Variants in AP1M1 observed in about 807,000 individuals in gnomAD.
The protein encoded by AP1M1 is AP-1 complex subunit mu-1.
AP1M1 carries 18 observed loss-of-function variants against 57.1 expected under a neutral mutation model. The ratio of observed to expected loss-of-function variants is 0.32; its 90% confidence interval spans 0.22 to 0.47. The LOEUF (loss-of-function observed/expected upper bound fraction) is 0.47. Ranked by LOEUF, AP1M1 falls within the 20% of genes least tolerant of loss-of-function variation. The probability of loss-of-function intolerance (pLI) is 1.00; values close to 1 mark genes in which losing one functional copy is unlikely to be tolerated. For missense variants in AP1M1, 362 were observed against 593.5 expected, an observed-to-expected ratio of 0.61 and a Z score of 4.05; for synonymous variants, 241 against 237.9, an observed-to-expected ratio of 1.01 and a Z score of -0.12.
In AP1M1 at chr19:16,197,941, C is replaced by T. The variant is rs1348962177; in HGVS notation, c.-86C>T. 2 of 1,057,026 alleles carry T rather than the reference C, an allele frequency of 1.9e-6. No homozygotes were observed. Among genetic ancestry groups the T allele is most frequent in the African/African-American group, 2.4e-5 (1 of 41,288 alleles). The allele number at this position is 1,057,026 out of a possible 1,614,324, so 65.5% of individuals were successfully genotyped here. ...TGGAGGTGAGCTGTCGCGGGCGGCG[C>T]CCGGCCTTGCTCAACGCCCAGCAGT... On this transcript the variant is annotated 5_prime_UTR_variant, in exon 1 of 12. Coordinates refer to ENST00000291439, the MANE Select transcript of AP1M1 (RefSeq NM_032493.4).
At chr19:16,199,124 T>TA (rs1352542898) in intron 1 of AP1M1, among the ~76,000 whole-genome samples, 8 of 152,152 alleles carry the variant, frequency 5.3e-5, no homozygotes, top group African/African-American at 1.9e-4. Flanking sequence ...TCTGTGTTCT[T>TA]ACGGTGTTCA....
At chr19:16,216,902 C>A (rs2091521237) in intron 5 of AP1M1, among the ~76,000 whole-genome samples, 1 of 152,226 alleles carries the variant, frequency 6.6e-6, no homozygotes, top group Admixed American at 6.5e-5. Flanking sequence ...AGGATCTGTT[C>A]TTGTTTGCAT....
At chr19:16,231,329 ATACAGATT>A in intron 9 of AP1M1, among the ~76,000 whole-genome samples, 1 of 150,850 alleles carries the variant, frequency 6.6e-6, no homozygotes, top group African/African-American at 2.4e-5. Context: ...GAGATTAGAA[ATACAGATT>A]AGATAGATAG....
At chr19:16,233,755 C>CTGTCTGTGGGG in intron 10 of AP1M1, 137 bp downstream of exon 10, 1 of 1,233,654 alleles carries the variant, frequency 8.1e-7, no homozygotes, top group Non-Finnish European at 1.1e-6. Flanking sequence ...TCTGCCTCCC[C>CTGTCTGTGGGG]ACAGACAGGG....
At chr19:16,208,940 C>T (rs1258739355) in intron 4 of AP1M1, 90 bp from the exon 5 acceptor site, 1 of 1,500,000 alleles carries the variant, frequency 6.7e-7, no homozygotes, top group Non-Finnish European at 9.0e-7. Flanking sequence ...GCCCTGTACC[C>T]CCCACCCAAC....
At chr19:16,223,899 C>G (rs1255919119) in intron 5 of AP1M1, among the ~76,000 whole-genome samples, 1 of 152,258 alleles carries the variant, frequency 6.6e-6, no homozygotes, top group Non-Finnish European at 1.5e-5. Context: ...TGTGTTCACG[C>G]TGGCCTCATC....
Position 16,244,493 on chromosome 19 carries a change from T to C in AP1M1, c.*10058T>C, listed in dbSNP as rs1435229911. 1.3e-5 allele frequency: 2 copies of C among 152,110 alleles called. No homozygotes were observed. Among genetic ancestry groups the C allele is most frequent in the African/African-American group, 4.8e-5 (2 of 41,420 alleles). 9.4% of individuals were successfully genotyped at this position (152,110 alleles called of 1,614,324 possible). A position where few individuals can be genotyped will look rare whatever the true frequency, so the allele number is the denominator to read the frequency against. ...GGAGTTTTTTTAAGTGATAGAATTA[T>C]ACAACAGGAAAAAAAGTCTGCAGGG... On this transcript the variant is annotated 3_prime_UTR_variant, in exon 12 of 12. Coordinates refer to ENST00000291439, the MANE Select transcript of AP1M1 (RefSeq NM_032493.4).
chr19:16,226,307 C>T lies in AP1M1; in HGVS notation c.547-114C>T. On this transcript the variant is annotated intron_variant, in intron 5 of 11. Transcript: ENST00000291439. ...AGGGGATGCCCAGGAGAGGGATGGG[C>T]TTGGAGGTGAGAAGGGCGTTGAGAG... 2.9e-6 allele frequency: 4 copies of T among 1,394,508 alleles called. No individual in the cohort carries two copies. The South Asian group carries it at 4.3e-5, about 15-fold the overall frequency. The allele number at this position is 1,394,508 out of a possible 1,614,324, so 86.4% of individuals were successfully genotyped here. A position where few individuals can be genotyped will look rare whatever the true frequency, so the allele number is the denominator to read the frequency against.
At chr19:16,218,126 T>C (rs889719653) in intron 5 of AP1M1, among the ~76,000 whole-genome samples, 9 of 152,372 alleles carry the variant, frequency 5.9e-5, no homozygotes, top group South Asian at 2.1e-4. Context: ...TAAATGTGAC[T>C]GCAGAGCTGC....
At position 16,227,523 on chromosome 19, in the gene AP1M1, G is replaced by T; in HGVS notation, c.674-25G>T. On this transcript the variant is annotated intron_variant, in intron 6 of 11. Transcript: ENST00000291439. This position sits in a 1 kb window ranked among gnomAD's most constrained non-coding sequence, Gnocchi z 6.2. Reference sequence around the variant, plus strand: ...ATAGTGACCCGGAGGGCCCAGATCTGTCCTACCCTCACCCCTGACCCCAGG... The same window carrying T: ...ATAGTGACCCGGAGGGCCCAGATCTTTCCTACCCTCACCCCTGACCCCAGG... The T allele has an allele frequency of 2.5e-6, 4 of 1,611,964 alleles. No homozygotes were observed. Among genetic ancestry groups the T allele is most frequent in the Non-Finnish European group, 1.7e-6 (2 of 1,178,360 alleles).
chr19:16,198,182 C>G, intron 1 of AP1M1, 114 bp downstream of exon 1: 1 of 1,233,322 alleles, frequency 8.1e-7, no homozygotes, highest in Non-Finnish European at 1.1e-6. Context: ...TGGTGTGAGG[C>G]AGAGAGGCCG....
At chr19:16,220,937 G>A (rs1009845108) in intron 5 of AP1M1, among the ~76,000 whole-genome samples, 4 of 152,198 alleles carry the variant, frequency 2.6e-5, no homozygotes, top group African/African-American at 9.7e-5. Context: ...TATAGGTGAT[G>A]TATTATTGTC....
At chr19:16,205,707 C>T (rs1286080904) in intron 2 of AP1M1, among the ~76,000 whole-genome samples, 1 of 152,224 alleles carries the variant, frequency 6.6e-6, no homozygotes, top group Admixed American at 6.5e-5. Flanking sequence ...GCCCAGCACA[C>T]ACTGACCCTG....
In AP1M1 at chr19:16,233,516, G is replaced by A. The variant is rs1272624888; in HGVS notation, c.1071G>A (p.Arg357=). 1 of 1,604,310 alleles carries A rather than the reference G, an allele frequency of 6.2e-7. No homozygotes were observed. The highest frequency in any genetic ancestry group is 8.5e-7 in the Non-Finnish European group (1 of 1,175,900). ...SFPGGKEYLM[R]AHFGLPSVEA... ...AGGGCGGCAAGGAGTACCTGATGCG[G>A]GCCCACTTCGGCCTGCCTAGTGTGG... is the stretch of plus-strand genomic sequence containing the variant. The change falls in exon 10 of 12, where the codon CGG becomes CGA. Residue 357 remains arginine (R), a synonymous_variant. Coordinates refer to ENST00000291439, the MANE Select transcript of AP1M1 (RefSeq NM_032493.4).
At position 16,203,242 on chromosome 19, in the gene AP1M1, G is replaced by A; in HGVS notation, c.43-217G>A. The A allele has an allele frequency of 1.7e-6, 1 of 587,150 alleles. No individual in the cohort carries two copies. Among genetic ancestry groups the A allele is most frequent in the Non-Finnish European group, 3.0e-6 (1 of 329,320 alleles). 36.4% of individuals were successfully genotyped at this position (587,150 alleles called of 1,614,324 possible). On this transcript the variant is annotated intron_variant, in intron 1 of 11. Transcript: ENST00000291439. The surrounding 1 kb of genome is among the most constrained non-coding windows in gnomAD (Gnocchi z 4.6). ...TACCCTCACCCTGCGAAGAACTGCA[G>A]TGGCCCCTGTGGGCATTCACACTGG...
rs914590694 is a variant in AP1M1 at position 16,239,777 on chromosome 19, A to G, written c.*5342A>G. On this transcript the variant is annotated 3_prime_UTR_variant, in exon 12 of 12. Transcript: ENST00000291439. The stretch of plus-strand genomic sequence containing the variant: ...TCTTGCCTGAGCGACACAGTGAGAC[A>G]CTGTCTCAAAAAAAAAAATTAACAA... The G allele has an allele frequency of 6.6e-6, 1 of 151,926 alleles. No homozygotes were observed. The highest frequency in any genetic ancestry group is 1.5e-5 in the Non-Finnish European group (1 of 67,966). 9.4% of individuals were successfully genotyped at this position (151,926 alleles called of 1,614,324 possible).
rs146557925 is a variant in AP1M1, at chr19:16,227,651, C to T, written c.777C>T (p.Asp259=). 47 of 1,613,912 alleles carry T rather than the reference C, an allele frequency of 2.9e-5. No individual in the cohort carries two copies. The highest frequency in any genetic ancestry group is 2.7e-4 in the East Asian group (12 of 44,872). ...NDRTISFIPP[D]GEFELMSYRL... ...GCACCATCTCCTTCATCCCACCCGA[C>T]GGCGAGTTCGAGCTCATGTCCTACC... The change falls in exon 7 of 12, where the codon GAC becomes GAT. Residue 259 remains aspartate, a synonymous_variant. Transcript: ENST00000291439. This position sits in a 1 kb window ranked among gnomAD's most constrained non-coding sequence, Gnocchi z 6.2.
At chr19:16,200,318 C>T (rs1057219324) in intron 1 of AP1M1, among the ~76,000 whole-genome samples, 1 of 152,220 alleles carries the variant, frequency 6.6e-6, no homozygotes, top group South Asian at 2.1e-4. Context: ...TTGGAAGGCA[C>T]GATCATGTGG....
chr19:16,201,773 C>G (rs1024815055), intron 1 of AP1M1, among the ~76,000 whole-genome samples: 1 of 152,050 alleles, frequency 6.6e-6, no homozygotes, highest in Non-Finnish European at 1.5e-5. Flanking sequence ...GGCAAAGGCC[C>G]GAGGTGGGAA....
Sources: allele counts gnomAD v4.1 joint callset (sites outside exome capture counted in the v4.1 genomes callset), GRCh38; gene constraint gnomAD v4.1.1; non-coding constraint Gnocchi (gnomAD v3.1); transcripts MANE v1.5; gene names NCBI Gene and HGNC (gene_info 2026-07-23, HGNC 2026-07-21).